Variants in DCLK1 observed in about 807,000 individuals in gnomAD.
DCLK1 encodes the protein serine/threonine-protein kinase DCLK1.
In DCLK1, 16 loss-of-function variants were observed where a neutral mutation model predicts 86.2. The ratio of observed to expected loss-of-function variants is 0.19; its 90% CI spans 0.13 to 0.28. The LOEUF is 0.28. Ranked by LOEUF, DCLK1 falls within the 10% of genes least tolerant of loss-of-function variation. The pLI is 1.00. For synonymous variants in DCLK1, 369 were observed against 370.5 expected (o/e 1.00, Z 0.05); for missense variants, 590 against 940.2 (o/e 0.63, Z 4.87).
chr13:35,999,926 C>G (rs2153145614), intron 3 of DCLK1, among the ~76,000 whole-genome samples: 1 of 152,250 alleles, frequency 6.6e-6, no homozygotes, highest in African/African-American at 2.4e-5. Flanking sequence ...TCCCAATCCA[C>G]CCAAACAAGT....
At chr13:36,022,778 G>C (rs1881840229) in intron 3 of DCLK1, among the ~76,000 whole-genome samples, 1 of 151,934 alleles carries the variant, frequency 6.6e-6, no homozygotes, top group Non-Finnish European at 1.5e-5. Context: ...CATTCCACAA[G>C]GAAATCTCTG....
chr13:35,894,840 C>T (rs896567862), intron 4 of DCLK1, among the ~76,000 whole-genome samples: 5 of 152,184 alleles, frequency 3.3e-5, no homozygotes, highest in Non-Finnish European at 7.3e-5. Context: ...CTGACCATGA[C>T]CTCTATTTTC....
At chr13:35,920,964 C>T (rs1403732636) in intron 4 of DCLK1, among the ~76,000 whole-genome samples, 1 of 152,108 alleles carries the variant, frequency 6.6e-6, no homozygotes, top group Non-Finnish European at 1.5e-5. Flanking sequence ...TAATTCTGTC[C>T]ACTGCTCCCT....
chr13:36,016,267 G>A (rs544817080), intron 3 of DCLK1, among the ~76,000 whole-genome samples: 2 of 152,136 alleles, frequency 1.3e-5, no homozygotes, highest in African/African-American at 4.8e-5. Flanking sequence ...TTAACCTACA[G>A]TACATTAAAA....
chr13:35,886,007 CTTTTTTTTTTTT>C (rs10589320), intron 4 of DCLK1, among the ~76,000 whole-genome samples: 2 of 130,714 alleles, frequency 1.5e-5, no homozygotes, highest in African/African-American at 3.0e-5. Context: ...GAATAGGTTC[CTTTTTTTTTTTT>C]TTTTTTTTTT....
chr13:35,917,704 G>GC (rs1875506946), intron 4 of DCLK1, among the ~76,000 whole-genome samples: 1 of 151,912 alleles, frequency 6.6e-6, no homozygotes. Context: ...CCAGCTGCAT[G>GC]CCCCCCACCT....
Position 35,851,997 on chromosome 13 carries a change from G to A in DCLK1, c.1035+2502C>T, listed in dbSNP as rs8001346. ...CGCGCGTGTGTGCATGTGTGTGTAT[G>A]TGTGTGTGTGTGTGTGTGTGTGTGT... On this transcript the variant is annotated intron_variant, in intron 6 of 16. Transcript: ENST00000360631. Among the ~76,000 whole-genome samples the A allele has an allele frequency of 8.6e-3, 837 of 97,464 alleles. 6 individuals carry two copies. The highest frequency in any genetic ancestry group is 0.028 in the African/African-American group (658 of 23,296). 63.9% of individuals were successfully genotyped at this position (97,464 alleles called of 152,430 possible).
intron 8 of DCLK1, among the ~76,000 whole-genome samples, chr13:35,829,244 T>A (rs755442875): frequency 2.8e-4 from 43 of 152,212 alleles, no homozygotes; most frequent in Non-Finnish European, 5.3e-4. Flanking sequence ...TCCTGATTTG[T>A]GCTAACATTG....
At chr13:35,968,572 A>G (rs1878896761) in intron 3 of DCLK1, among the ~76,000 whole-genome samples, 1 of 152,324 alleles carries the variant, frequency 6.6e-6, no homozygotes, top group Non-Finnish European at 1.5e-5. Flanking sequence ...CACACTGACA[A>G]TACAACAATA....
intron 3 of DCLK1, among the ~76,000 whole-genome samples, chr13:36,028,278 T>C (rs904707351): frequency 6.6e-6 from 1 of 152,190 alleles, no homozygotes; most frequent in Non-Finnish European, 1.5e-5. Flanking sequence ...GGAATTATAA[T>C]TTGAGATTTG....
chr13:35,804,056 G>C (rs1232566001), intron 15 of DCLK1, among the ~76,000 whole-genome samples: 1 of 152,116 alleles, frequency 6.6e-6, no homozygotes, highest in Non-Finnish European at 1.5e-5. Flanking sequence ...CACAGTTAAG[G>C]TATATAAGAT....
chr13:36,012,113 A>G (rs1221167358), intron 3 of DCLK1, among the ~76,000 whole-genome samples: 2 of 138,886 alleles, frequency 1.4e-5, no homozygotes, highest in African/African-American at 2.8e-5. Flanking sequence ...TTTTGAGCCT[A>G]TGTGTGTCTC....
chr13:35,793,602 A>G, intron 15 of DCLK1, 123 bp from the exon 16 acceptor site: 1 of 636,234 alleles, frequency 1.6e-6, no homozygotes, highest in Admixed American at 3.1e-5. Flanking sequence ...AAATAAACCA[A>G]CCAATGTCTA....
chr13:36,057,825 T>A (rs1001415922), intron 3 of DCLK1, among the ~76,000 whole-genome samples: 1 of 152,190 alleles, frequency 6.6e-6, no homozygotes, highest in African/African-American at 2.4e-5. Flanking sequence ...ATGACCACTA[T>A]GCTTTAAGAA....
Position 35,773,578 on chromosome 13 carries a change from A to C in DCLK1, c.*957T>G, listed in dbSNP as rs1161395029. On this transcript the variant is annotated 3_prime_UTR_variant, in exon 17 of 17. Transcript: ENST00000360631. ...ATGTAGATTGCACAGTGATGACCAC[A>C]GTGCGTGGAAAAGCAGGTGAGAAAA... is the stretch of plus-strand genomic sequence containing the variant. The C allele has an allele frequency of 6.6e-6, 1 of 151,468 alleles. No individual in the cohort carries two copies. Among genetic ancestry groups the C allele is most frequent in the Non-Finnish European group, 1.5e-5 (1 of 67,862 alleles). The allele number at this position is 151,468 out of a possible 1,614,324, so 9.4% of individuals were successfully genotyped here.
chr13:36,060,345 TTGTC>T (rs1277846855), intron 3 of DCLK1, among the ~76,000 whole-genome samples: 1 of 152,186 alleles, frequency 6.6e-6, no homozygotes, highest in Non-Finnish European at 1.5e-5. Context: ...TCATAGCTGA[TTGTC>T]TGTCTTTCAA....
At chr13:35,983,026 A>G (rs1236275583) in intron 3 of DCLK1, among the ~76,000 whole-genome samples, 1 of 152,260 alleles carries the variant, frequency 6.6e-6, no homozygotes, top group Non-Finnish European at 1.5e-5. Context: ...GGCCTCTCAA[A>G]GTGTTGGGAT....
At chr13:36,051,720 T>A (rs752899872) in intron 3 of DCLK1, among the ~76,000 whole-genome samples, 2 of 152,146 alleles carry the variant, frequency 1.3e-5, no homozygotes, top group Admixed American at 1.3e-4. Context: ...TTTACAGTAG[T>A]GAAAAATCAA....
At chr13:36,074,041 A>T (rs906102963) in intron 3 of DCLK1, among the ~76,000 whole-genome samples, 1 of 152,184 alleles carries the variant, frequency 6.6e-6, no homozygotes, top group African/African-American at 2.4e-5. Context: ...GTACATTTAC[A>T]TGTACTATAA....
Sources: gnomAD v4.1 joint callset for allele counts (sites outside exome capture counted in the v4.1 genomes callset) on GRCh38, gnomAD v4.1.1 for gene constraint, MANE v1.5 for transcripts, NCBI Gene and HGNC (gene_info 2026-07-23, HGNC 2026-07-21) for gene names.